Variants in FLRT2 observed in about 807,000 individuals in gnomAD.
The protein encoded by FLRT2 is leucine-rich repeat transmembrane protein FLRT2.
FLRT2 carries 15 observed loss-of-function variants against 40.0 expected under a neutral mutation model. That is an observed-to-expected ratio of 0.38 (90% CI 0.25 to 0.58). The LOEUF (loss-of-function observed/expected upper bound fraction) is 0.58, where lower values mean the gene tolerates loss of function less well. Ranked by LOEUF, FLRT2 falls within the 20% of genes least tolerant of loss-of-function variation. The probability of loss-of-function intolerance (pLI) is 0.71; values close to 1 mark genes in which losing one functional copy is unlikely to be tolerated. For synonymous variants in FLRT2, 380 were observed against 336.8 expected (o/e 1.13, Z -1.41); for missense variants, 726 against 840.0 (o/e 0.86, Z 1.68).
chr14:85,544,688 A>G (rs1475663832), intron 1 of FLRT2, among the ~76,000 whole-genome samples: 3 of 152,172 alleles, frequency 2.0e-5, no homozygotes, highest in African/African-American at 7.2e-5. Context: ...GAAGGTTACA[A>G]TAAATCTAAA....
At chr14:85,616,659 G>A (rs1020038230) in intron 1 of FLRT2, among the ~76,000 whole-genome samples, 4 of 152,144 alleles carry the variant, frequency 2.6e-5, no homozygotes, top group Non-Finnish European at 4.4e-5. Flanking sequence ...TCCTTTGCCT[G>A]CAGTGTTTTT....
At chr14:85,617,018 G>A (rs1318074805) in intron 1 of FLRT2, among the ~76,000 whole-genome samples, 1 of 152,020 alleles carries the variant, frequency 6.6e-6, no homozygotes, top group Non-Finnish European at 1.5e-5. Flanking sequence ...TAAAGCACTT[G>A]TAAGAAGGTG....
intron 1 of FLRT2, among the ~76,000 whole-genome samples, chr14:85,620,201 A>G (rs553483414): frequency 5.8e-4 from 89 of 152,216 alleles, no homozygotes; most frequent in Middle Eastern, 3.4e-3. Context: ...GCTTCTGTTC[A>G]CTACGTTTAT....
chr14:85,593,854 C>T (rs530000140), intron 1 of FLRT2, among the ~76,000 whole-genome samples: 1 of 152,156 alleles, frequency 6.6e-6, no homozygotes, highest in African/African-American at 2.4e-5. Context: ...CTAGCCTGGC[C>T]AACATGGTGA....
In FLRT2 at chr14:85,622,234, T is replaced by C. The variant is rs1487814301; in HGVS notation, c.720T>C (p.Asn240=). 4 of 1,614,014 alleles carry C rather than the reference T, an allele frequency of 2.5e-6. No homozygotes were observed. Among genetic ancestry groups the C allele is most frequent in the Non-Finnish European group, 3.4e-6 (4 of 1,180,028 alleles). The part of the protein sequence containing the change: ...TKLKEFSIVR[N]SLSHPPPDLP... ...TCAAGGAATTTTCAATTGTACGTAATTCGCTGTCCCACCCTCCTCCCGATC... is the reference window on the plus strand; with the variant it reads ...TCAAGGAATTTTCAATTGTACGTAACTCGCTGTCCCACCCTCCTCCCGATC... Residue 240 remains asparagine, a synonymous_variant, in exon 2 of 2, where the codon AAT becomes AAC. Transcript: ENST00000330753.
intron 1 of FLRT2, among the ~76,000 whole-genome samples, chr14:85,620,694 G>C (rs929651932): frequency 1.3e-5 from 2 of 151,906 alleles, no homozygotes; most frequent in Admixed American, 1.3e-4. Flanking sequence ...AACTCTGCAG[G>C]GCTTCACATT....
chr14:85,592,645 C>T (rs181208565), intron 1 of FLRT2, among the ~76,000 whole-genome samples: 1 of 139,586 alleles, frequency 7.2e-6, no homozygotes, highest in Non-Finnish European at 1.6e-5. Flanking sequence ...AAAAATTAGT[C>T]GAGCATCAGG....
chr14:85,586,655 T>C (rs1891628390), intron 1 of FLRT2, among the ~76,000 whole-genome samples: 1 of 152,028 alleles, frequency 6.6e-6, no homozygotes, highest in East Asian at 1.9e-4. Flanking sequence ...TACGGTATTT[T>C]GATATATATA....
chr14:85,566,828 C>G (rs1220035253), intron 1 of FLRT2, among the ~76,000 whole-genome samples: 1 of 150,478 alleles, frequency 6.6e-6, no homozygotes, highest in East Asian at 2.0e-4. Context: ...AGGAATGAAG[C>G]AAACATAAAT....
chr14:85,577,059 A>C (rs924312391), intron 1 of FLRT2, among the ~76,000 whole-genome samples: 12 of 152,216 alleles, frequency 7.9e-5, no homozygotes, highest in Non-Finnish European at 1.3e-4. Context: ...TGGAAATTCA[A>C]ACCTCAAAAT....
Position 85,645,889 on chromosome 14 carries a change from A to G in FLRT2, c.*22392A>G, listed in dbSNP as rs896345266. 1.3e-5 allele frequency: 2 copies of G among 152,208 alleles called. No homozygotes were observed. The highest frequency in any genetic ancestry group is 1.3e-4 in the Admixed American group (2 of 15,278). 9.4% of individuals were successfully genotyped at this position (152,208 alleles called of 1,614,324 possible). ...CTAAGAGCCCAATTCTGATACTCTC[A>G]TATTGCACTATTCACTAGGAGGTTC... On this transcript the variant is annotated 3_prime_UTR_variant, in exon 2 of 2. Transcript: ENST00000330753.
chr14:85,554,155 AT>A (rs1230504921), intron 1 of FLRT2, among the ~76,000 whole-genome samples: 1 of 152,212 alleles, frequency 6.6e-6, no homozygotes, highest in African/African-American at 2.4e-5. Flanking sequence ...CACTACCCGT[AT>A]TTAAGTTAAA....
At chr14:85,606,774 C>T (rs1892637181) in intron 1 of FLRT2, among the ~76,000 whole-genome samples, 1 of 151,190 alleles carries the variant, frequency 6.6e-6, no homozygotes, top group Non-Finnish European at 1.5e-5. Context: ...CTGCTTGCCT[C>T]AGCCTCCCAA....
intron 1 of FLRT2, among the ~76,000 whole-genome samples, chr14:85,533,649 G>A (rs753328798): frequency 6.6e-6 from 1 of 152,060 alleles, no homozygotes; most frequent in African/African-American, 2.4e-5. Flanking sequence ...GGGTCGCGGC[G>A]GCCGAAGCCA....
In FLRT2 at chr14:85,651,406, C is replaced by T. The variant is rs983116786; in HGVS notation, c.*27909C>T. ...CAACTCCATTACATTAAGCTAATAT[C>T]GCTTCATTTTATCTCTCATCACATT... On this transcript the variant is annotated 3_prime_UTR_variant, in exon 2 of 2. Coordinates refer to ENST00000330753, the MANE Select transcript of FLRT2 (RefSeq NM_013231.6). The T allele has an allele frequency of 2.6e-5, 4 of 151,874 alleles. No individual in the cohort carries two copies. The highest frequency in any genetic ancestry group is 6.6e-5 in the Admixed American group (1 of 15,220). The allele number at this position is 151,874 out of a possible 1,614,324, so 9.4% of individuals were successfully genotyped here. A position where few individuals can be genotyped will look rare whatever the true frequency, so the allele number is the denominator to read the frequency against.
At chr14:85,581,300 A>G (rs1019598901) in intron 1 of FLRT2, among the ~76,000 whole-genome samples, 1 of 152,204 alleles carries the variant, frequency 6.6e-6, no homozygotes, top group African/African-American at 2.4e-5. Context: ...CAGATTTTAG[A>G]ACAGAGCAAG....
Position 85,639,245 on chromosome 14 carries a change from C to T in FLRT2, c.*15748C>T, listed in dbSNP as rs916218860. 6.6e-6 allele frequency: 1 copy of T among 152,160 alleles called. No homozygotes were observed. Among genetic ancestry groups the T allele is most frequent in the African/African-American group, 2.4e-5 (1 of 41,430 alleles). 9.4% of individuals were successfully genotyped at this position (152,160 alleles called of 1,614,324 possible). A position where few individuals can be genotyped will look rare whatever the true frequency, so the allele number is the denominator to read the frequency against. On this transcript the variant is annotated 3_prime_UTR_variant, in exon 2 of 2. Coordinates refer to ENST00000330753, the MANE Select transcript of FLRT2 (RefSeq NM_013231.6). The stretch of plus-strand genomic sequence containing the variant: ...TTCACTGTTGCCCTGTTTCCTTTTC[C>T]TTGACAAATTCAGTTAACCGGATGG...
chr14:85,607,783 C>T (rs764345301), intron 1 of FLRT2, among the ~76,000 whole-genome samples: 32 of 152,294 alleles, frequency 2.1e-4, no homozygotes, highest in Middle Eastern at 3.4e-3. Context: ...AGAAATCAAG[C>T]GTCTCTGTAT....
At chr14:85,566,843 T>C (rs2139854371) in intron 1 of FLRT2, among the ~76,000 whole-genome samples, 1 of 152,224 alleles carries the variant, frequency 6.6e-6, no homozygotes, top group African/African-American at 2.4e-5. Flanking sequence ...ATAAATATTT[T>C]TCAGTTTGGT....
Sources: gnomAD v4.1 joint callset for allele counts (sites outside exome capture counted in the v4.1 genomes callset) on GRCh38, gnomAD v4.1.1 for gene constraint, MANE v1.5 for transcripts, NCBI Gene and HGNC (gene_info 2026-07-23, HGNC 2026-07-21) for gene names.